The following CXXC4 variants were observed in gnomAD, a reference collection of about 807,000 sequenced individuals.
CXXC4 encodes CXXC finger protein 4, also known as CXXC-type zinc finger protein 4.
A neutral mutation model predicts 20.5 loss-of-function variants in CXXC4; 5 were observed. That is an observed-to-expected ratio of 0.24 (90% CI 0.13 to 0.51). The LOEUF (loss-of-function observed/expected upper bound fraction) is 0.51, where lower values mean the gene tolerates loss of function less well. Ranked by LOEUF, CXXC4 falls within the 20% of genes least tolerant of loss-of-function variation. CXXC4 has a pLI of 0.97. For missense variants in CXXC4, 419 were observed against 496.4 expected (o/e 0.84, Z 1.48); for synonymous variants, 250 against 216.4 (o/e 1.16, Z -1.36).
chr4:104,480,958 T>C (rs965186120), intron 2 of CXXC4, among the ~76,000 whole-genome samples: 1 of 149,174 alleles, frequency 6.7e-6, no homozygotes, highest in African/African-American at 2.4e-5. Flanking sequence ...TCCAATATAA[T>C]CTTTTCTCTT....
intron 2 of CXXC4, among the ~76,000 whole-genome samples, chr4:104,487,652 G>A (rs1210301661): frequency 1.3e-5 from 2 of 152,064 alleles, no homozygotes; most frequent in Admixed American, 1.3e-4. Context: ...GTCACACAAG[G>A]GGCAGAGAGC....
rs971904663 is a variant in CXXC4, at chr4:104,474,542, A to G, written c.1060-2176T>C. Among the ~76,000 whole-genome samples the G allele has an allele frequency of 5.3e-5, 8 of 152,192 alleles. No individual in the cohort carries two copies. The South Asian group carries it at 8.3e-4, about 16-fold the overall frequency. ...GATGCCAACTAAGAATAAATTTTAT[A>G]TAAGTATGCACACTTATATAAATGT... On this transcript the variant is annotated intron_variant, in intron 2 of 2. Transcript: ENST00000394767.
chr4:104,473,007 T>C (rs1301186595), intron 2 of CXXC4, among the ~76,000 whole-genome samples: 1 of 151,774 alleles, frequency 6.6e-6, no homozygotes, highest in Non-Finnish European at 1.5e-5. Context: ...AAAAATGCAA[T>C]CAAAAACTGA....
intron 2 of CXXC4, among the ~76,000 whole-genome samples, chr4:104,474,142 G>A (rs535601498): frequency 1.3e-5 from 2 of 152,004 alleles, no homozygotes; most frequent in South Asian, 4.1e-4. Flanking sequence ...TAGGTATACA[G>A]AACAAAATCT....
chr4:104,483,327 C>A lies in CXXC4; in HGVS notation c.1059+7417G>T, dbSNP rs114046085. ...TCCATAATTCCATCTTGTCAAAGTT[C>A]TTTCTATACACTGCATTGGATTCTG... On this transcript the variant is annotated intron_variant, in intron 2 of 2. Transcript: ENST00000394767. Among the ~76,000 whole-genome samples the A allele has an allele frequency of 4.9e-3, 740 of 152,022 alleles. 6 individuals are homozygous for A. The highest frequency in any genetic ancestry group is 0.016 in the African/African-American group (685 of 41,532).
chr4:104,489,501 T>C (rs547601326), intron 2 of CXXC4, among the ~76,000 whole-genome samples: 2 of 152,294 alleles, frequency 1.3e-5, no homozygotes, highest in Admixed American at 6.5e-5. Context: ...CTAAGATAAC[T>C]TGTGAGAGCC....
chr4:104,475,576 A>C (rs1736381951), intron 2 of CXXC4, among the ~76,000 whole-genome samples: 1 of 152,188 alleles, frequency 6.6e-6, no homozygotes, highest in Non-Finnish European at 1.5e-5. Context: ...GTTTGTACTA[A>C]TTTGAGGACA....
At chr4:104,479,587 T>G (rs1266285800) in intron 2 of CXXC4, among the ~76,000 whole-genome samples, 2 of 152,186 alleles carry the variant, frequency 1.3e-5, no homozygotes, top group Non-Finnish European at 2.9e-5. Context: ...CAGCATGTTT[T>G]ATGTTTATGA....
chr4:104,491,614 G>A lies in CXXC4; in HGVS notation c.189C>T (p.Ile63=), dbSNP rs757867712. Residue 63 remains isoleucine, a synonymous_variant, in exon 2 of 3, where the codon ATC becomes ATT. Transcript: ENST00000394767. ...GGAAGATGGGGGTGGTGATGCGCGC[G>A]ATCTTGGCCGCCTGTGGGAAGGCGC... ...NGGAFPQAAK[I]ARITTPIFPS... 1.3e-6 allele frequency: 2 copies of A among 1,542,186 alleles called. No homozygotes were observed. Among genetic ancestry groups the A allele is most frequent in the South Asian group, 2.4e-5 (2 of 83,286 alleles).
At chr4:104,474,012 A>G (rs1736344200) in intron 2 of CXXC4, among the ~76,000 whole-genome samples, 1 of 151,990 alleles carries the variant, frequency 6.6e-6, no homozygotes, top group South Asian at 2.1e-4. Context: ...GCTTTTCGCT[A>G]TCTGTACTAA....
chr4:104,470,392 G>C lies in CXXC4; in HGVS notation c.*1930C>G, dbSNP rs1736237991. On this transcript the variant is annotated 3_prime_UTR_variant, in exon 3 of 3. Coordinates refer to ENST00000394767, the MANE Select transcript of CXXC4 (RefSeq NM_025212.4). Reference sequence around the variant, plus strand: ...TTGAAAACGCTTGTTGACCATAACTGTGGACCATGTATTCATACTCTACGT... The same window carrying C: ...TTGAAAACGCTTGTTGACCATAACTCTGGACCATGTATTCATACTCTACGT... 3 of 151,956 alleles carry C rather than the reference G, an allele frequency of 2.0e-5. No individual in the cohort carries two copies. The highest frequency in any genetic ancestry group is 2.0e-4 in the Admixed American group (3 of 15,204). The allele number at this position is 151,956 out of a possible 1,614,324, so 9.4% of individuals were successfully genotyped here. A position where few individuals can be genotyped will look rare whatever the true frequency, so the allele number is the denominator to read the frequency against.
chr4:104,484,583 C>A (rs1736636223), intron 2 of CXXC4, among the ~76,000 whole-genome samples: 1 of 151,702 alleles, frequency 6.6e-6, no homozygotes, highest in Non-Finnish European at 1.5e-5. Context: ...AAGAGGAAAC[C>A]AAAAAATTCA....
intron 2 of CXXC4, among the ~76,000 whole-genome samples, chr4:104,485,485 T>C (rs1736664167): frequency 6.6e-6 from 1 of 152,104 alleles, no homozygotes; most frequent in African/African-American, 2.4e-5. Context: ...TTTTTCAGAG[T>C]AAATTGAAGT....
chr4:104,481,201 GCCATTTGT>G (rs1375524011), intron 2 of CXXC4, among the ~76,000 whole-genome samples: 2 of 152,038 alleles, frequency 1.3e-5, no homozygotes, highest in Non-Finnish European at 2.9e-5. Flanking sequence ...TTTAAATGTG[GCCATTTGT>G]CCATTTCGTG....
chr4:104,491,455 C>T lies in CXXC4; in HGVS notation c.348G>A (p.Gly116=), dbSNP rs1488736897. ...CGCCGCCGCCGCCGCCGCCGCCACC[C>T]CCCCCGCCGCCGCCCCCGCCCCCGC... ...GSGGGGGGGG[G]GGGGGGGGGG... is the part of the protein sequence containing the mutation. The change falls in exon 2 of 3, where the codon GGG becomes GGA. Residue 116 remains glycine (G), a synonymous_variant. Transcript: ENST00000394767. 34 of 875,670 alleles carry T rather than the reference C, an allele frequency of 3.9e-5. No individual in the cohort carries two copies. The highest frequency in any genetic ancestry group is 4.7e-5 in the Non-Finnish European group (33 of 709,146). The allele number at this position is 875,670 out of a possible 1,614,324, so 54.2% of individuals were successfully genotyped here. A position where few individuals can be genotyped will look rare whatever the true frequency, so the allele number is the denominator to read the frequency against.
Position 104,468,452 on chromosome 4 carries a change from C to T in CXXC4, c.*3870G>A, listed in dbSNP as rs1229348012. 4 of 146,060 alleles carry T rather than the reference C, an allele frequency of 2.7e-5. No individual in the cohort carries two copies. The highest frequency in any genetic ancestry group is 2.0e-4 in the East Asian group (1 of 5,072). The allele number at this position is 146,060 out of a possible 1,614,324, so 9.0% of individuals were successfully genotyped here. A position where few individuals can be genotyped will look rare whatever the true frequency, so the allele number is the denominator to read the frequency against. The stretch of plus-strand genomic sequence containing the variant: ...CATAAGTAATTTTCTTTAATAAATA[C>T]ACTGTTTTCCAAAACCGTTTTTTAA... On this transcript the variant is annotated 3_prime_UTR_variant, in exon 3 of 3. Coordinates refer to ENST00000394767, the MANE Select transcript of CXXC4 (RefSeq NM_025212.4).
intron 2 of CXXC4, among the ~76,000 whole-genome samples, chr4:104,480,250 A>C (rs1736518130): frequency 6.6e-6 from 1 of 152,276 alleles, no homozygotes; most frequent in Admixed American, 6.5e-5. Context: ...TCAGATAGTC[A>C]ACTAACTAGC....
chr4:104,470,507 C>T lies in CXXC4; in HGVS notation c.*1815G>A, dbSNP rs1736242037. The T allele has an allele frequency of 6.6e-6, 1 of 151,996 alleles. No individual in the cohort carries two copies. The highest frequency in any genetic ancestry group is 2.4e-5 in the African/African-American group (1 of 41,410). The allele number at this position is 151,996 out of a possible 1,614,324, so 9.4% of individuals were successfully genotyped here. On this transcript the variant is annotated 3_prime_UTR_variant, in exon 3 of 3. Transcript: ENST00000394767. ...CTTTCACCATGAAACACTCTTTCTG[C>T]TTTTTAAAAAATCTTTTCTGTCCTA...
intron 1 of CXXC4, among the ~76,000 whole-genome samples, chr4:104,492,826 AT>A (rs1202547708): frequency 3.3e-5 from 5 of 151,884 alleles, no homozygotes; most frequent in South Asian, 2.1e-4. Flanking sequence ...GTTCTACTTG[AT>A]TTTTTTTAAG....
Sources: allele counts gnomAD v4.1 joint callset (sites outside exome capture counted in the v4.1 genomes callset), GRCh38; gene constraint gnomAD v4.1.1; transcripts MANE v1.5; gene names NCBI Gene and HGNC (gene_info 2026-07-23, HGNC 2026-07-21).